SF1: variants seen among roughly 807,000 people sequenced by gnomAD.
SF1 encodes the protein splicing factor 1.
A neutral mutation model predicts 62.5 loss-of-function variants in SF1; 7 were observed. The ratio of observed to expected loss-of-function variants is 0.11; its 90% confidence interval spans 0.06 to 0.21. The LOEUF (loss-of-function observed/expected upper bound fraction) is 0.21. Ranked by LOEUF, SF1 falls within the 10% of genes least tolerant of loss-of-function variation. The probability of loss-of-function intolerance (pLI) is 1.00; values close to 1 mark genes in which losing one functional copy is unlikely to be tolerated. For missense variants in SF1, 578 were observed against 884.0 expected (o/e 0.65, Z 4.39); for synonymous variants, 394 against 323.6 (o/e 1.22, Z -2.33).
chr11:64,771,248 T>TA (rs1041161706), intron 3 of SF1, among the ~76,000 whole-genome samples: 2 of 151,908 alleles, frequency 1.3e-5, no homozygotes, highest in African/African-American at 2.4e-5. Flanking sequence ...TTGCTACAAG[T>TA]AAAAAAATGT....
In SF1 at chr11:64,770,314, T is replaced by C. The variant is rs764229442; in HGVS notation, c.331A>G (p.Asn111Asp). ...AGTGCAACCATCTCTGTGATGAGGTTGTGCCGCTCCTCTTCCAGCTTTTTG... is the reference window on the plus strand; with the variant it reads ...AGTGCAACCATCTCTGTGATGAGGTCGTGCCGCTCCTCTTCCAGCTTTTTG... ...TRKKLEEERH[N>D]LITEMVALNP... is the part of the protein sequence containing the mutation. The change falls in exon 4 of 13, where the codon AAC (asparagine) becomes GAC (aspartate). Residue 111 changes from asparagine to aspartate, a missense_variant. Around this residue, in one of 7 missense-constraint regions of SF1, gnomAD observed 68 missense variants for 170.7 expected, o/e 0.40. Transcript: ENST00000377390. The C allele has an allele frequency of 6.2e-7, 1 of 1,614,116 alleles. No homozygotes were observed. The highest frequency in any genetic ancestry group is 8.5e-7 in the Non-Finnish European group (1 of 1,180,020).
At chr11:64,771,880 C>G in intron 3 of SF1, 1 of 985,320 alleles carries the variant, frequency 1.0e-6, no homozygotes, top group Non-Finnish European at 1.2e-6. Flanking sequence ...AAAGCAAAAC[C>G]AATCAGGCAT....
At chr11:64,772,423 A>T (rs1043442199) in intron 3 of SF1, 1 of 985,256 alleles carries the variant, frequency 1.0e-6, no homozygotes, top group Non-Finnish European at 1.2e-6. Flanking sequence ...AAGTCAAATT[A>T]AAGAGTCAAT....
chr11:64,766,950 G>C lies in SF1; in HGVS notation c.1532C>G (p.Pro511Arg). 6.7e-7 allele frequency: 1 copy of C among 1,496,282 alleles called. No homozygotes were observed. The highest frequency in any genetic ancestry group is 8.9e-7 in the Non-Finnish European group (1 of 1,122,742). 92.7% of individuals were successfully genotyped at this position (1,496,282 alleles called of 1,614,324 possible). ...GGAAGCCATACTGCTGCTGGGCGGA[G>C]GGGGTGGCGGAGGCTGCTGCTGCTG... is the stretch of plus-strand genomic sequence containing the variant. Reference protein sequence around the residue: ...QQQQQQPPPPPPPSSSMASST... With the variant: ...QQQQQQPPPPRPPSSSMASST... Residue 511 changes from proline to arginine, a missense_variant, in exon 12 of 13, where the codon CCT (proline) becomes CGT (arginine). By Grantham distance (103) the Pro-to-Arg change is moderately radical (BLOSUM62 -2). Around this residue, in one of 7 missense-constraint regions of SF1, gnomAD observed 410 missense variants for 452.4 expected, o/e 0.91. Transcript: ENST00000377390.
At position 64,765,351 on chromosome 11, in the gene SF1, T is replaced by G. The variant is rs778930729; in HGVS notation, c.*467A>C. On this transcript the variant is annotated 3_prime_UTR_variant, in exon 13 of 13. Transcript: ENST00000377390. ...AAAAATTAATAAAAATTTCACGATA[T>G]GGAGCCAGCGTGTTCCGATTCCGTC... 3 of 776,222 alleles carry G rather than the reference T, an allele frequency of 3.9e-6. No homozygotes were observed. The highest frequency in any genetic ancestry group is 6.6e-6 in the Non-Finnish European group (3 of 454,006). The allele number at this position is 776,222 out of a possible 1,614,324, so 48.1% of individuals were successfully genotyped here.
Position 64,769,357 on chromosome 11 carries a change from A to C in SF1, c.664-19T>G. The C allele has an allele frequency of 6.2e-7, 1 of 1,613,806 alleles. No individual in the cohort carries two copies. The highest frequency in any genetic ancestry group is 8.5e-7 in the Non-Finnish European group (1 of 1,179,680). Reference sequence around the variant, plus strand: ...TTCTTATCTAGTGAAAATGCAATGGACAGTTAAGTGCTTAGGGCCTCCACC... The same window carrying C: ...TTCTTATCTAGTGAAAATGCAATGGCCAGTTAAGTGCTTAGGGCCTCCACC... On this transcript the variant is annotated intron_variant, in intron 6 of 12. Coordinates refer to ENST00000377390, the MANE Select transcript of SF1 (RefSeq NM_004630.4).
intron 3 of SF1, chr11:64,771,721 T>C: frequency 2.0e-6 from 2 of 985,284 alleles, no homozygotes; most frequent in Non-Finnish European, 1.2e-6. Flanking sequence ...CTTATACATT[T>C]AAGTCTACAA....
intron 9 of SF1, 121 bp downstream of exon 9, chr11:64,767,985 G>T: frequency 6.9e-7 from 1 of 1,442,894 alleles, no homozygotes; most frequent in Non-Finnish European, 9.3e-7. Context: ...TGAGATCCCG[G>T]AAGAACAATG....
chr11:64,777,803 G>A (rs960659791), intron 1 of SF1: 3 of 641,844 alleles, frequency 4.7e-6, no homozygotes, highest in Admixed American at 8.0e-5. Flanking sequence ...TCCCCCCACA[G>A]CGCGCGTGCG....
chr11:64,768,080 C>T (rs765779303), intron 9 of SF1, 26 bp downstream of exon 9: 2 of 1,594,800 alleles, frequency 1.3e-6, no homozygotes, highest in South Asian at 1.1e-5. Flanking sequence ...GGAAGCCAGA[C>T]CAAGAGAGCC....
intron 9 of SF1, 43 bp from the exon 10 acceptor site, chr11:64,767,887 C>T (rs3891504): frequency 5.0e-6 from 8 of 1,592,900 alleles, no homozygotes; most frequent in Non-Finnish European, 3.4e-6. Flanking sequence ...CCTGCGCCTC[C>T]TAGTGGCAAC....
chr11:64,766,878 AAG>A lies in SF1; in HGVS notation c.1582+20_1582+21del. 1 of 276,208 alleles carries A rather than the reference AAG, an allele frequency of 3.6e-6. No homozygotes were observed. Among genetic ancestry groups the A allele is most frequent in the Non-Finnish European group, 6.4e-6 (1 of 156,088 alleles). 17.1% of individuals were successfully genotyped at this position (276,208 alleles called of 1,614,324 possible). ...CCACCCCCATCCCACCCACCCCCACAAGCCCAAAATATTCTACTCACTTTGCT... is the reference window on the plus strand; with the variant it reads ...CCACCCCCATCCCACCCACCCCCACACCCAAAATATTCTACTCACTTTGCT... On this transcript the variant is annotated intron_variant, in intron 12 of 12. Transcript: ENST00000377390.
Position 64,776,495 on chromosome 11 carries a change from T to C in SF1, c.160+3A>G. On this transcript the variant is annotated splice_donor_region_variant and intron_variant, in intron 2 of 12. Transcript: ENST00000377390. ...TGCATTTGGATGCAGAACGTATATT[T>C]ACCTATATAAGCTCTTTCTTGTTCT... The C allele has an allele frequency of 1.3e-6, 2 of 1,564,956 alleles. No homozygotes were observed. Among genetic ancestry groups the C allele is most frequent in the African/African-American group, 2.8e-5 (2 of 72,042 alleles).
intron 2 of SF1, among the ~76,000 whole-genome samples, chr11:64,774,205 C>G (rs956271359): frequency 1.3e-5 from 2 of 152,124 alleles, no homozygotes; most frequent in African/African-American, 2.4e-5. Flanking sequence ...AAACCAGTAA[C>G]CATAAAGTGC....
chr11:64,766,702 C>T (rs995825334), intron 12 of SF1, 198 bp downstream of exon 12: 63 of 478,158 alleles, frequency 1.3e-4, no homozygotes, highest in African/African-American at 1.2e-3. Flanking sequence ...TCTCCCCAGA[C>T]ACAACCACAC....
In SF1 at chr11:64,769,446, C is replaced by T. The variant is rs776101875; in HGVS notation, c.643G>A (p.Val215Ile). The T allele has an allele frequency of 2.5e-6, 4 of 1,614,176 alleles. No individual in the cohort carries two copies. Among genetic ancestry groups the T allele is most frequent in the Admixed American group, 3.3e-5 (2 of 60,020 alleles). ...ALVTANTMEN[V>I]KKAVEQIRNI... ...CTCACCTGTTCCACTGCCTTTTTGA[C>T]GTTCTCCATTGTATTGGCAGTAACC... Residue 215 changes from valine (V) to isoleucine (I), a missense_variant, in exon 6 of 13, where the codon GTC (valine) becomes ATC (isoleucine). Val to Ile is a conservative substitution (Grantham distance 29). This residue lies in a region of SF1 where 16 missense variants were observed against 59.3 expected (regional missense o/e 0.27). Transcript: ENST00000377390.
At chr11:64,767,464 C>G in intron 10 of SF1, 107 bp downstream of exon 10, 1 of 1,239,580 alleles carries the variant, frequency 8.1e-7, no homozygotes, top group South Asian at 1.4e-5. Context: ...CAGGCAGACC[C>G]AGCACATTGC....
Position 64,765,578 on chromosome 11 carries a change from G to A in SF1, c.*240C>T, listed in dbSNP as rs2058590595. On this transcript the variant is annotated 3_prime_UTR_variant, in exon 13 of 13. Transcript: ENST00000377390. The stretch of plus-strand genomic sequence containing the variant: ...TGGGTGAGGAGAGAAAGAAGACAAA[G>A]AAGACACTCGATGCTACGGGGCGCC... 3.2e-6 allele frequency: 5 copies of A among 1,548,486 alleles called. No homozygotes were observed. The highest frequency in any genetic ancestry group is 1.2e-5 in the South Asian group (1 of 82,352).
chr11:64,773,730 AAC>A (rs1219804673), intron 2 of SF1, among the ~76,000 whole-genome samples: 9 of 152,188 alleles, frequency 5.9e-5, no homozygotes, highest in African/African-American at 2.2e-4. Flanking sequence ...TAAGGAAGCA[AAC>A]AGTTTGTTGG....
Sources: allele counts gnomAD v4.1 joint callset (sites outside exome capture counted in the v4.1 genomes callset), GRCh38; gene constraint gnomAD v4.1.1; regional missense constraint gnomAD v4.1.1; transcripts MANE v1.5; gene names NCBI Gene and HGNC (gene_info 2026-07-23, HGNC 2026-07-21).